The following SERGEF variants were observed in gnomAD, a reference collection of about 807,000 sequenced individuals.
SERGEF encodes secretion regulating guanine nucleotide exchange factor.
In SERGEF, 51 loss-of-function variants were observed where a neutral mutation model predicts 50.0. The observed-to-expected ratio is 1.02, with a 90% CI of 0.81 to 1.29. SERGEF has a LOEUF of 1.29. Among genes scored for constraint, SERGEF ranks in the 50% most tolerant of loss-of-function variants. The probability of loss-of-function intolerance (pLI) is 0.00; values close to 1 mark genes in which losing one functional copy is unlikely to be tolerated. For synonymous variants in SERGEF, 205 were observed against 212.4 expected (o/e 0.97, Z 0.30); for missense variants, 521 against 557.0 (o/e 0.94, Z 0.65).
At chr11:17,967,313 G>T (rs211095) in intron 8 of SERGEF, among the ~76,000 whole-genome samples, 97,677 of 151,926 alleles carry the variant, frequency 0.64, 31,999 homozygotes, top group African/African-American at 0.78. Context: ...CACTTTTCAC[G>T]TGGTCACACT....
intron 8 of SERGEF, among the ~76,000 whole-genome samples, chr11:17,965,333 G>A (rs1019401617): frequency 5.9e-5 from 9 of 152,196 alleles, no homozygotes; most frequent in Non-Finnish European, 8.8e-5. Flanking sequence ...TGCAGGAACT[G>A]TGAGTCAATT....
intron 10 of SERGEF, among the ~76,000 whole-genome samples, chr11:17,813,959 G>A (rs928332643): frequency 1.3e-5 from 2 of 152,188 alleles, no homozygotes; most frequent in Non-Finnish European, 2.9e-5. Context: ...AGACAGAAGG[G>A]ACACACAGAC....
At chr11:17,912,666 T>C (rs1831869704) in intron 9 of SERGEF, among the ~76,000 whole-genome samples, 1 of 152,238 alleles carries the variant, frequency 6.6e-6, no homozygotes, top group Non-Finnish European at 1.5e-5. Flanking sequence ...TCCCATTTTA[T>C]AGCTGACAAA....
At chr11:18,004,356 A>G in intron 4 of SERGEF, 85 bp downstream of exon 4, 3 of 957,824 alleles carry the variant, frequency 3.1e-6, no homozygotes, top group Non-Finnish European at 4.7e-6. Flanking sequence ...GGATCCTGAC[A>G]GCCTTTTATT....
intron 1 of SERGEF, chr11:18,012,364 G>T: frequency 4.6e-6 from 2 of 437,926 alleles, no homozygotes; most frequent in Non-Finnish European, 6.2e-6. Flanking sequence ...ACATCAAGAT[G>T]ACCCTGTCTC....
At chr11:17,857,082 C>T (rs1326101869) in intron 10 of SERGEF, among the ~76,000 whole-genome samples, 1 of 152,092 alleles carries the variant, frequency 6.6e-6, no homozygotes, top group Non-Finnish European at 1.5e-5. Flanking sequence ...AGAAACAAGC[C>T]AAGTCAAGGG....
chr11:17,998,193 T>A (rs189053436), intron 5 of SERGEF, among the ~76,000 whole-genome samples: 55 of 151,812 alleles, frequency 3.6e-4, no homozygotes, highest in Middle Eastern at 3.4e-3. Flanking sequence ...AGGAAGACTG[T>A]CAGAGGCTGA....
intron 9 of SERGEF, among the ~76,000 whole-genome samples, chr11:17,947,166 T>C (rs377163077): frequency 1.0e-3 from 155 of 152,368 alleles, no homozygotes; most frequent in African/African-American, 3.3e-3. Flanking sequence ...CCATTTGCTT[T>C]CTGATAGGCA....
chr11:17,896,414 A>T (rs1041284099), intron 9 of SERGEF, among the ~76,000 whole-genome samples: 6 of 152,208 alleles, frequency 3.9e-5, no homozygotes, highest in Admixed American at 3.9e-4. Context: ...TAGGTGGCAT[A>T]GCTGCAATTT....
intron 10 of SERGEF, among the ~76,000 whole-genome samples, chr11:17,800,065 T>G (rs1212914568): frequency 2.6e-5 from 4 of 152,184 alleles, no homozygotes; most frequent in Non-Finnish European, 5.9e-5. Context: ...CAGTAAAATT[T>G]TATTAAACTT....
At chr11:18,012,682 C>G (rs1854221126) in intron 1 of SERGEF, 1 of 1,191,696 alleles carries the variant, frequency 8.4e-7, no homozygotes, top group Non-Finnish European at 1.1e-6. Flanking sequence ...GACGCTCTGC[C>G]CCGAGGCAGG....
intron 10 of SERGEF, among the ~76,000 whole-genome samples, chr11:17,843,359 A>G (rs1850541661): frequency 6.6e-6 from 1 of 152,250 alleles, no homozygotes; most frequent in Non-Finnish European, 1.5e-5. Context: ...AGTTCCTACT[A>G]TATGTCAAGC....
intron 1 of SERGEF, chr11:18,012,706 G>A (rs565360016): frequency 1.7e-6 from 2 of 1,192,336 alleles, no homozygotes; most frequent in South Asian, 1.7e-5. Context: ...TTCCCGCGGC[G>A]CCACAGCCCC....
At chr11:17,817,071 A>G (rs1426036498) in intron 10 of SERGEF, among the ~76,000 whole-genome samples, 1 of 152,184 alleles carries the variant, frequency 6.6e-6, no homozygotes. Context: ...TTGCTCTGTC[A>G]AAAAGAGTTG....
chr11:17,944,953 CAA>C (rs1852630354), intron 9 of SERGEF, among the ~76,000 whole-genome samples: 1 of 152,154 alleles, frequency 6.6e-6, no homozygotes, highest in African/African-American at 2.4e-5. Flanking sequence ...ATCTCATGAA[CAA>C]AGTCTCTCTA....
intron 10 of SERGEF, among the ~76,000 whole-genome samples, chr11:17,822,570 C>T (rs191834310): frequency 3.3e-5 from 5 of 152,240 alleles, no homozygotes; most frequent in African/African-American, 7.2e-5. Flanking sequence ...ACCTCTGGAG[C>T]GGCTCCCTGT....
chr11:17,979,358 A>G (rs1379780627), intron 8 of SERGEF, among the ~76,000 whole-genome samples: 1 of 152,212 alleles, frequency 6.6e-6, no homozygotes, highest in Non-Finnish European at 1.5e-5. Context: ...TATCCAATGT[A>G]TCTCCCTAAT....
intron 10 of SERGEF, among the ~76,000 whole-genome samples, chr11:17,850,848 C>T (rs890391462): frequency 1.3e-5 from 2 of 152,092 alleles, no homozygotes; most frequent in African/African-American, 2.4e-5. Context: ...GCTTGGATTC[C>T]ACCACCAGGG....
chr11:17,975,282 T>C (rs1272849636), intron 8 of SERGEF, among the ~76,000 whole-genome samples: 2 of 152,196 alleles, frequency 1.3e-5, no homozygotes, highest in Non-Finnish European at 2.9e-5. Flanking sequence ...AATTTGTATA[T>C]GGATTAAACA....
Sources: allele counts gnomAD v4.1 joint callset (sites outside exome capture counted in the v4.1 genomes callset), GRCh38; gene constraint gnomAD v4.1.1; transcripts MANE v1.5; gene names NCBI Gene and HGNC (gene_info 2026-07-23, HGNC 2026-07-21).